Variants in NRG3 observed in about 807,000 individuals in gnomAD.
NRG3 encodes the protein pro-neuregulin-3, membrane-bound isoform.
Under a neutral mutation model 66.9 loss-of-function variants are expected in NRG3, and 31 were observed. The observed-to-expected ratio is 0.46, with a 90% confidence interval of 0.35 to 0.63. The LOEUF (loss-of-function observed/expected upper bound fraction) is 0.63, where lower values mean the gene tolerates loss of function less well. Among genes scored for constraint, NRG3 ranks in the 20% least tolerant of loss-of-function variants. NRG3 has a pLI of 0.00. For missense variants in NRG3, 910 were observed against 878.9 expected (o/e 1.04, Z -0.45); for synonymous variants, 393 against 359.4 (o/e 1.09, Z -1.06).
chr10:82,496,478 A>T (rs1478347826), intron 2 of NRG3, among the ~76,000 whole-genome samples: 1 of 152,124 alleles, frequency 6.6e-6, no homozygotes, highest in Non-Finnish European at 1.5e-5. Context: ...AGAATTACAA[A>T]ACTACCTCCC....
intron 2 of NRG3, among the ~76,000 whole-genome samples, chr10:82,453,682 TAAA>T (rs541557844): frequency 2.4e-5 from 3 of 126,352 alleles, no homozygotes; most frequent in Non-Finnish European, 3.4e-5. Flanking sequence ...TGTTTTGAGC[TAAA>T]AAAAAAAAAA....
chr10:82,387,052 G>A (rs940625407), intron 2 of NRG3, among the ~76,000 whole-genome samples: 26 of 152,144 alleles, frequency 1.7e-4, no homozygotes, highest in African/African-American at 5.8e-4. Context: ...TGCCCGCCTT[G>A]GCCTCACAAA....
intron 2 of NRG3, among the ~76,000 whole-genome samples, chr10:82,471,745 A>G (rs571914868): frequency 2.0e-5 from 3 of 152,222 alleles, no homozygotes; most frequent in African/African-American, 4.8e-5. Flanking sequence ...TACTAAAAAT[A>G]CAAAAATGTG....
chr10:81,883,382 G>A (rs1054771513), intron 1 of NRG3, among the ~76,000 whole-genome samples: 42 of 152,114 alleles, frequency 2.8e-4, no homozygotes, highest in African/African-American at 8.9e-4. Context: ...AGACAGGTTG[G>A]TGATTGTACA....
At chr10:82,567,695 T>C (rs2045495547) in intron 2 of NRG3, among the ~76,000 whole-genome samples, 1 of 151,948 alleles carries the variant, frequency 6.6e-6, no homozygotes, top group Non-Finnish European at 1.5e-5. Flanking sequence ...CTTCTTGCCA[T>C]CTCTAGGAGC....
At chr10:82,574,667 A>T (rs2045932168) in intron 2 of NRG3, among the ~76,000 whole-genome samples, 1 of 151,804 alleles carries the variant, frequency 6.6e-6, no homozygotes, top group East Asian at 1.9e-4. Flanking sequence ...ATAATTATGT[A>T]TCAATTAAAA....
chr10:81,978,746 G>C (rs766682062), intron 1 of NRG3, among the ~76,000 whole-genome samples: 50 of 151,862 alleles, frequency 3.3e-4, no homozygotes, highest in Non-Finnish European at 6.3e-4. Flanking sequence ...TTTAGAGATA[G>C]GGTCTTGCTG....
intron 1 of NRG3, among the ~76,000 whole-genome samples, chr10:82,291,178 G>A (rs1389681460): frequency 2.0e-5 from 3 of 151,328 alleles, no homozygotes; most frequent in Non-Finnish European, 2.9e-5. Context: ...ACACACGCAC[G>A]CACCAGTCAC....
At position 82,738,655 on chromosome 10, in the gene NRG3, G is replaced by A; in HGVS notation, c.1027+5G>A. 1 of 1,613,564 alleles carries A rather than the reference G, an allele frequency of 6.2e-7. No homozygotes were observed. Among genetic ancestry groups the A allele is most frequent in the Non-Finnish European group, 8.5e-7 (1 of 1,179,532 alleles). ...ATTCCATCTTATCGGATCCAAGTAG[G>A]TCAAGCATTTTTCTTCTCTCTAATG... is the stretch of plus-strand genomic sequence containing the variant. On this transcript the variant is annotated splice_donor_5th_base_variant and intron_variant, in intron 3 of 8. Transcript: ENST00000372141.
intron 2 of NRG3, among the ~76,000 whole-genome samples, chr10:82,559,598 A>G (rs1434457967): frequency 6.6e-6 from 1 of 152,210 alleles, no homozygotes; most frequent in Non-Finnish European, 1.5e-5. Flanking sequence ...ACCCAGAAGG[A>G]CAGCTTGTAT....
chr10:82,534,267 G>T (rs61302490), intron 2 of NRG3, among the ~76,000 whole-genome samples: 4,113 of 141,792 alleles, frequency 0.029, 95 homozygotes, highest in Middle Eastern at 0.079. Context: ...AATCCATTTT[G>T]TTTTTTTTTT....
chr10:82,687,463 AT>A (rs2054599859), intron 2 of NRG3, among the ~76,000 whole-genome samples: 1 of 152,142 alleles, frequency 6.6e-6, no homozygotes, highest in Non-Finnish European at 1.5e-5. Context: ...CTTCATAATT[AT>A]TAGATATAAA....
chr10:82,324,321 G>C (rs564875505), intron 1 of NRG3, among the ~76,000 whole-genome samples: 1 of 151,562 alleles, frequency 6.6e-6, no homozygotes, highest in African/African-American at 2.4e-5. Flanking sequence ...CCCTACCCTC[G>C]TCACTCTTGA....
chr10:82,580,901 T>TTG (rs56906298), intron 2 of NRG3, among the ~76,000 whole-genome samples: 21,168 of 147,140 alleles, frequency 0.14, 1,865 homozygotes, highest in Non-Finnish European at 0.21. Context: ...GTTTGTAAGT[T>TTG]TGTGTGTGTG....
At chr10:82,391,793 C>T (rs904993888) in intron 2 of NRG3, among the ~76,000 whole-genome samples, 2 of 152,034 alleles carry the variant, frequency 1.3e-5, no homozygotes, top group Non-Finnish European at 2.9e-5. Flanking sequence ...CTCTATACTA[C>T]AGCAGTTGAA....
chr10:82,528,373 C>T (rs1391097342), intron 2 of NRG3, among the ~76,000 whole-genome samples: 1 of 150,532 alleles, frequency 6.6e-6, no homozygotes, highest in Non-Finnish European at 1.5e-5. Flanking sequence ...TTAAAAAGCC[C>T]AATCATTAAA....
At chr10:82,799,635 G>T (rs1022334558) in intron 3 of NRG3, 1 of 152,090 alleles carries the variant, frequency 6.6e-6, no homozygotes, top group Admixed American at 6.6e-5. Flanking sequence ...AAGCCATGTA[G>T]CATTTGTTGA....
chr10:81,982,960 G>T (rs971050432), intron 1 of NRG3, among the ~76,000 whole-genome samples: 2 of 152,154 alleles, frequency 1.3e-5, no homozygotes, highest in Non-Finnish European at 2.9e-5. Context: ...TAACACTGTT[G>T]TATATCATCA....
intron 3 of NRG3, among the ~76,000 whole-genome samples, chr10:82,864,091 G>A (rs1353314392): frequency 6.6e-6 from 1 of 152,114 alleles, no homozygotes; most frequent in Non-Finnish European, 1.5e-5. Context: ...CCAAGGGCTG[G>A]GAGGAGGGAT....
Sources: allele counts gnomAD v4.1 joint callset (sites outside exome capture counted in the v4.1 genomes callset), GRCh38; gene constraint gnomAD v4.1.1; transcripts MANE v1.5; gene names NCBI Gene and HGNC (gene_info 2026-07-23, HGNC 2026-07-21).